POU6F1: variants seen among roughly 807,000 people sequenced by gnomAD.
POU6F1 encodes the protein POU domain, class 6, transcription factor 1.
POU6F1 carries 9 observed loss-of-function variants against 28.9 expected under a neutral mutation model. The ratio of observed to expected loss-of-function variants is 0.31; its 90% CI spans 0.19 to 0.54. POU6F1 has a LOEUF of 0.54. Among genes scored for constraint, POU6F1 ranks in the 20% least tolerant of loss-of-function variants. The pLI is 0.94. For synonymous variants in POU6F1, 173 were observed against 171.1 expected (o/e 1.01, Z -0.09); for missense variants, 338 against 426.1 (o/e 0.79, Z 1.82).
chr12:51,217,395 G>C lies in POU6F1; in HGVS notation c.-48+247C>G, dbSNP rs903608680. 1.6e-4 allele frequency among the ~76,000 whole-genome samples: 25 copies of C among 152,070 alleles called. No homozygotes were observed. The highest frequency in any genetic ancestry group is 5.8e-4 in the African/African-American group (24 of 41,428). On this transcript the variant is annotated intron_variant, in intron 1 of 10. Coordinates refer to ENST00000333640, the MANE Select transcript of POU6F1 (RefSeq NM_001330422.2). The surrounding 1 kb of genome is among the most constrained non-coding windows in gnomAD (Gnocchi z 5.3). ...CCAGGTCCAGAGCGGCCCGCGGGCG[G>C]GCGAGGGCGCGGCCCCCGGGTGTCT...
At chr12:51,194,176 G>A (rs1038128511) in intron 8 of POU6F1, among the ~76,000 whole-genome samples, 2 of 152,032 alleles carry the variant, frequency 1.3e-5, no homozygotes, top group African/African-American at 2.4e-5. Flanking sequence ...ACAGGTGCCC[G>A]CCACCACACC....
rs1196152851 is a variant in POU6F1, at chr12:51,217,305, C to T, written c.-48+337G>A. 6.6e-6 allele frequency among the ~76,000 whole-genome samples: 1 copy of T among 152,170 alleles called. No homozygotes were observed. Among genetic ancestry groups the T allele is most frequent in the African/African-American group, 2.4e-5 (1 of 41,458 alleles). On this transcript the variant is annotated intron_variant, in intron 1 of 10. Transcript: ENST00000333640. This position sits in a 1 kb window ranked among gnomAD's most constrained non-coding sequence, Gnocchi z 5.3. ...CCGCACCCCACAAGGGCTCCAGGGG[C>T]AGAAACGGGGAGGGGCCAGGTCGGG...
At chr12:51,196,759 C>G in intron 7 of POU6F1, 40 bp downstream of exon 7, 1 of 1,611,824 alleles carries the variant, frequency 6.2e-7, no homozygotes, top group Non-Finnish European at 8.5e-7. Context: ...GCCAGCCTCT[C>G]CACAGTCCCC....
intron 1 of POU6F1, among the ~76,000 whole-genome samples, chr12:51,215,392 T>C (rs1944231351): frequency 6.6e-6 from 1 of 151,690 alleles, no homozygotes. Flanking sequence ...CCGTCTCTAC[T>C]GAAAATACAA....
At chr12:51,203,564 A>AG (rs1943367993) in intron 3 of POU6F1, among the ~76,000 whole-genome samples, 1 of 152,236 alleles carries the variant, frequency 6.6e-6, no homozygotes, top group African/African-American at 2.4e-5. Flanking sequence ...ATGTGAAGGT[A>AG]GAGCAAGTAA....
In POU6F1 at chr12:51,199,126, G is replaced by C. The variant is rs954836100; in HGVS notation, c.367-351C>G. ...CCCCGTGCTTAGTGGCCAGGGAACA[G>C]GGAGCAGAGGCTGATGGAACCAAGT... is the stretch of plus-strand genomic sequence containing the variant. On this transcript the variant is annotated intron_variant, in intron 4 of 10. Coordinates refer to ENST00000333640, the MANE Select transcript of POU6F1 (RefSeq NM_001330422.2). This position sits in a 1 kb window ranked among gnomAD's most constrained non-coding sequence, Gnocchi z 4.1. Among the ~76,000 whole-genome samples, 3 of 152,146 alleles carry C rather than the reference G, an allele frequency of 2.0e-5. No homozygotes were observed. Among genetic ancestry groups the C allele is most frequent in the African/African-American group, 7.2e-5 (3 of 41,446 alleles).
In POU6F1 at chr12:51,189,083, C is replaced by T. The variant is rs535570733; in HGVS notation, c.*1164G>A. 3 of 152,292 alleles carry T rather than the reference C, an allele frequency of 2.0e-5. No homozygotes were observed. Among genetic ancestry groups the T allele is most frequent in the Admixed American group, 1.3e-4 (2 of 15,292 alleles). 9.4% of individuals were successfully genotyped at this position (152,292 alleles called of 1,614,324 possible). A position where few individuals can be genotyped will look rare whatever the true frequency, so the allele number is the denominator to read the frequency against. On this transcript the variant is annotated 3_prime_UTR_variant, in exon 11 of 11. Coordinates refer to ENST00000333640, the MANE Select transcript of POU6F1 (RefSeq NM_001330422.2). ...ACTGTGGGGATTGCTTACACACAGA[C>T]ATGGTCTGAGACTCGACAAAATGAG...
chr12:51,197,349 G>C (rs1047907613), intron 6 of POU6F1, among the ~76,000 whole-genome samples: 5 of 152,142 alleles, frequency 3.3e-5, no homozygotes, highest in South Asian at 2.1e-4. Flanking sequence ...GGCCTGGGAG[G>C]GTAGAAGGGC....
At chr12:51,191,965 G>C (rs1410578706) in intron 9 of POU6F1, among the ~76,000 whole-genome samples, 3 of 152,206 alleles carry the variant, frequency 2.0e-5, no homozygotes, top group African/African-American at 7.2e-5. Flanking sequence ...CCAGGGGTAA[G>C]GAGCTATTTT....
chr12:51,195,498 C>T (rs1471047319), intron 8 of POU6F1, among the ~76,000 whole-genome samples: 1 of 56,986 alleles, frequency 1.8e-5, no homozygotes, highest in Non-Finnish European at 3.3e-5. Flanking sequence ...TTTGTGTCTT[C>T]AGCACTTGGA....
chr12:51,197,204 G>T (rs538186843), intron 6 of POU6F1, among the ~76,000 whole-genome samples: 1 of 147,830 alleles, frequency 6.8e-6, no homozygotes, highest in Non-Finnish European at 1.5e-5. Flanking sequence ...AGGGCTAGGG[G>T]TCTACCGGCT....
Position 51,189,926 on chromosome 12 carries a change from G to T in POU6F1, c.*321C>A, listed in dbSNP as rs1942277858. On this transcript the variant is annotated 3_prime_UTR_variant, in exon 11 of 11. Transcript: ENST00000333640. The stretch of plus-strand genomic sequence containing the variant: ...GCTTTAGCCCTGCCCCAAAGACAGG[G>T]AGTTTCTGGTTCCCCACCAGAATTC... The T allele has an allele frequency of 2.9e-6, 1 of 350,328 alleles. No homozygotes were observed. The highest frequency in any genetic ancestry group is 5.3e-6 in the Non-Finnish European group (1 of 186,954). 21.7% of individuals were successfully genotyped at this position (350,328 alleles called of 1,614,324 possible).
At chr12:51,193,907 C>T (rs1053004221) in intron 8 of POU6F1, among the ~76,000 whole-genome samples, 20 of 152,180 alleles carry the variant, frequency 1.3e-4, no homozygotes, top group Admixed American at 9.2e-4. Flanking sequence ...ACCCCTGGTA[C>T]GTCTCAAGTC....
At chr12:51,208,606 G>A (rs977510416) in intron 1 of POU6F1, among the ~76,000 whole-genome samples, 4 of 152,082 alleles carry the variant, frequency 2.6e-5, no homozygotes, top group African/African-American at 7.2e-5. Context: ...CCCCAAGGTG[G>A]ATAGTATTAA....
At position 51,197,837 on chromosome 12, in the gene POU6F1, G is replaced by C. The variant is rs1191674004; in HGVS notation, c.779C>G (p.Pro260Arg). The C allele has an allele frequency of 2.5e-6, 1 of 403,178 alleles. No homozygotes were observed. The highest frequency in any genetic ancestry group is 4.4e-6 in the Non-Finnish European group (1 of 228,726). The allele number at this position is 403,178 out of a possible 1,614,324, so 25.0% of individuals were successfully genotyped here. ...CTGTGGGGGGGTGTCCACTGGCTTG[G>C]GGGTAGGGGCAGCAGCGGTGGCAGC... ...PTAATAAAPT[P>R]KPVDTPPQIT... is the part of the protein sequence containing the mutation. The change falls in exon 6 of 11, where the codon CCC (proline) becomes CGC (arginine). Residue 260 changes from proline (P) to arginine (R), a missense_variant. By Grantham distance (103) the Pro-to-Arg change is moderately radical. This residue lies in a region of POU6F1 where 206 missense variants were observed against 225.6 expected (regional missense o/e 0.91). Coordinates refer to ENST00000333640, the MANE Select transcript of POU6F1 (RefSeq NM_001330422.2).
Position 51,192,446 on chromosome 12 carries a change from G to A in POU6F1, c.1205C>T (p.Thr402Ile), listed in dbSNP as rs756973678. The A allele has an allele frequency of 1.1e-4, 185 of 1,613,524 alleles. No individual in the cohort carries two copies. The highest frequency in any genetic ancestry group is 1.5e-4 in the Non-Finnish European group (181 of 1,180,020). Residue 402 changes from threonine to isoleucine, a missense_variant, in exon 9 of 11, where the codon ACC (threonine) becomes ATC (isoleucine). This residue lies in a region of POU6F1 where 206 missense variants were observed against 225.6 expected (regional missense o/e 0.91). Coordinates refer to ENST00000333640, the MANE Select transcript of POU6F1 (RefSeq NM_001330422.2). ...SEVQPIQPTPTVPQPAVVIAS... is the reference protein window; with the variant it reads ...SEVQPIQPTPIVPQPAVVIAS... ...AATGACCACAGCAGGCTGGGGCACG[G>A]TTGGTGTGGGCTGGATGGGCTGCAC...
chr12:51,197,800 C>T lies in POU6F1; in HGVS notation c.816G>A (p.Gln272=). Reference sequence around the variant, plus strand: ...CTGGGCTAAATGCGAAGCCTGCAGGCTGGACGGTGATCTGTGGGGGGGTGT... The same window carrying T: ...CTGGGCTAAATGCGAAGCCTGCAGGTTGGACGGTGATCTGTGGGGGGGTGT... The part of the protein sequence containing the change: ...PVDTPPQITV[Q]PAGFAFSPGI... Residue 272 remains glutamine (Q), a synonymous_variant, in exon 6 of 11, where the codon CAG becomes CAA. Coordinates refer to ENST00000333640, the MANE Select transcript of POU6F1 (RefSeq NM_001330422.2). 1 of 399,746 alleles carries T rather than the reference C, an allele frequency of 2.5e-6. No homozygotes were observed. The highest frequency in any genetic ancestry group is 3.6e-5 in the East Asian group (1 of 28,066). 24.8% of individuals were successfully genotyped at this position (399,746 alleles called of 1,614,324 possible). A position where few individuals can be genotyped will look rare whatever the true frequency, so the allele number is the denominator to read the frequency against.
intron 9 of POU6F1, 60 bp downstream of exon 9, chr12:51,192,270 T>C (rs1436342002): frequency 1.3e-6 from 2 of 1,581,548 alleles, no homozygotes; most frequent in Admixed American, 1.7e-5. Context: ...TCTGAAGAGA[T>C]TGGGTGCCCA....
intron 1 of POU6F1, among the ~76,000 whole-genome samples, chr12:51,213,722 C>T (rs562818798): frequency 5.3e-4 from 80 of 151,662 alleles, no homozygotes; most frequent in African/African-American, 1.8e-3. Context: ...TTAGTAGAGA[C>T]GGGGTTTCCC....
Sources: allele counts gnomAD v4.1 joint callset (sites outside exome capture counted in the v4.1 genomes callset), GRCh38; gene constraint gnomAD v4.1.1; regional missense constraint gnomAD v4.1.1; non-coding constraint Gnocchi (gnomAD v3.1); transcripts MANE v1.5; gene names NCBI Gene and HGNC (gene_info 2026-07-23, HGNC 2026-07-21).